The following PLEKHA5 variants were observed in gnomAD, a reference collection of about 807,000 sequenced individuals.
The protein encoded by PLEKHA5 is pleckstrin homology domain-containing family A member 5.
PLEKHA5 carries 55 observed loss-of-function variants against 181.9 expected under a neutral mutation model. The ratio of observed to expected loss-of-function variants is 0.30; its 90% CI spans 0.24 to 0.38. PLEKHA5 has a LOEUF of 0.38. PLEKHA5 is among the 10% of genes least tolerant of loss of function. The pLI is 1.00. For missense variants in PLEKHA5, 1,432 were observed against 1,549.5 expected (o/e 0.92, Z 1.27); for synonymous variants, 535 against 529.4 (o/e 1.01, Z -0.15).
In PLEKHA5 at chr12:19,208,726, T is replaced by A. The variant is rs868079799; in HGVS notation, c.228-45214T>A. Among the ~76,000 whole-genome samples the A allele has an allele frequency of 1.1e-4, 17 of 152,230 alleles. No homozygotes were observed. In the Middle Eastern group the frequency reaches 0.01, roughly 91 times the overall value. On this transcript the variant is annotated intron_variant, in intron 3 of 31. Coordinates refer to ENST00000429027, the MANE Select transcript of PLEKHA5 (RefSeq NM_001256470.2). Reference sequence around the variant, plus strand: ...AAGAGAGGATACAAATATTAACAGATCTAGGGGCAAGACTTCCTATTCTTA... The same window carrying A: ...AAGAGAGGATACAAATATTAACAGAACTAGGGGCAAGACTTCCTATTCTTA...
At position 19,291,826 on chromosome 12, in the gene PLEKHA5, T is replaced by A. The variant is rs1299937725; in HGVS notation, c.2037+129T>A. 7.4e-6 allele frequency: 4 copies of A among 542,910 alleles called. No homozygotes were observed. The African/African-American group carries it at 7.8e-5, about 11-fold the overall frequency. The allele number at this position is 542,910 out of a possible 1,614,324, so 33.6% of individuals were successfully genotyped here. A position where few individuals can be genotyped will look rare whatever the true frequency, so the allele number is the denominator to read the frequency against. On this transcript the variant is annotated intron_variant, in intron 15 of 31. Transcript: ENST00000429027. ...AACATGACTTTTACAAGTGATAGAA[T>A]ATGAAATCTCTGACCAGGTGGATTC... is the stretch of plus-strand genomic sequence containing the variant.
intron 15 of PLEKHA5, among the ~76,000 whole-genome samples, chr12:19,305,879 AAAAAAC>A (rs1287384203): frequency 2.0e-5 from 3 of 149,410 alleles, no homozygotes; most frequent in African/African-American, 7.4e-5. Flanking sequence ...AAAAAAAAAA[AAAAAAC>A]AACTATGAAG....
chr12:19,317,246 A>G (rs984725135), intron 16 of PLEKHA5, among the ~76,000 whole-genome samples: 1 of 152,128 alleles, frequency 6.6e-6, no homozygotes, highest in African/African-American at 2.4e-5. Context: ...ACACACCTAT[A>G]GTCCTAGCTA....
At chr12:19,198,658 T>A (rs78468792) in intron 3 of PLEKHA5, among the ~76,000 whole-genome samples, 10,928 of 152,202 alleles carry the variant, frequency 0.072, 413 homozygotes, top group South Asian at 0.11. Context: ...GAATGAATGA[T>A]TGTGTGAATG....
intron 15 of PLEKHA5, among the ~76,000 whole-genome samples, chr12:19,312,701 C>T (rs1034983803): frequency 1.2e-4 from 19 of 152,230 alleles, no homozygotes; most frequent in African/African-American, 4.6e-4. Flanking sequence ...CTTCAGACCA[C>T]TAAAACTTTC....
At chr12:19,322,851 G>C (rs549100428) in intron 20 of PLEKHA5, among the ~76,000 whole-genome samples, 184 bp downstream of exon 20, 6 of 151,734 alleles carry the variant, frequency 4.0e-5, no homozygotes, top group African/African-American at 1.5e-4. Context: ...TAATTAGTGG[G>C]CATTCTGTTA....
chr12:19,321,075 G>C (rs1009355998), intron 18 of PLEKHA5, among the ~76,000 whole-genome samples: 1 of 151,654 alleles, frequency 6.6e-6, no homozygotes, highest in Non-Finnish European at 1.5e-5. Context: ...TCTGAGGCCT[G>C]AGAATCTCTT....
intron 3 of PLEKHA5, among the ~76,000 whole-genome samples, chr12:19,216,211 A>T (rs1482772656): frequency 6.6e-6 from 1 of 152,194 alleles, no homozygotes; most frequent in Non-Finnish European, 1.5e-5. Context: ...GGTATAATAG[A>T]CAATTTGCTG....
intron 3 of PLEKHA5, among the ~76,000 whole-genome samples, chr12:19,223,881 A>G (rs1313588049): frequency 6.6e-6 from 1 of 152,180 alleles, no homozygotes; most frequent in East Asian, 1.9e-4. Context: ...CAGGATAGCC[A>G]GGGATCTTGT....
intron 15 of PLEKHA5, among the ~76,000 whole-genome samples, chr12:19,297,174 C>T (rs1428381517): frequency 6.6e-6 from 1 of 152,060 alleles, no homozygotes; most frequent in Non-Finnish European, 1.5e-5. Flanking sequence ...TGTGGGTAAA[C>T]CAAACATGTA....
At chr12:19,260,141 T>C (rs1164418761) in intron 6 of PLEKHA5, among the ~76,000 whole-genome samples, 1 of 152,164 alleles carries the variant, frequency 6.6e-6, no homozygotes, top group African/African-American at 2.4e-5. Flanking sequence ...GATGAGCAAA[T>C]CCCAAACTAT....
intron 21 of PLEKHA5, among the ~76,000 whole-genome samples, chr12:19,340,690 A>G (rs1203987734): frequency 8.3e-4 from 120 of 143,856 alleles, no homozygotes; most frequent in African/African-American, 2.9e-3. Context: ...TGCTGTGTCC[A>G]CTCAGGGTTG....
chr12:19,170,132 A>G (rs1396040292), intron 3 of PLEKHA5, among the ~76,000 whole-genome samples: 6 of 152,192 alleles, frequency 3.9e-5, no homozygotes, highest in African/African-American at 1.2e-4. Context: ...AAGGTATGAA[A>G]TGAGATCAGG....
At chr12:19,267,522 T>C (rs1486630140) in intron 8 of PLEKHA5, among the ~76,000 whole-genome samples, 1 of 151,620 alleles carries the variant, frequency 6.6e-6, no homozygotes, top group Non-Finnish European at 1.5e-5. Flanking sequence ...TAACCAGACA[T>C]TGTGGTGCTT....
At chr12:19,266,612 C>T (rs563208520) in intron 8 of PLEKHA5, among the ~76,000 whole-genome samples, 6 of 151,986 alleles carry the variant, frequency 3.9e-5, no homozygotes, top group African/African-American at 7.2e-5. Flanking sequence ...GGTAAAACCC[C>T]GACTCTACTA....
chr12:19,136,815 A>T (rs2035787604), intron 3 of PLEKHA5, among the ~76,000 whole-genome samples: 1 of 152,126 alleles, frequency 6.6e-6, no homozygotes, highest in African/African-American at 2.4e-5. Flanking sequence ...ACTTTTTCTT[A>T]CATAGGCAAA....
Position 19,322,604 on chromosome 12 carries a change from A to G in PLEKHA5, c.2385A>G (p.Leu795=), listed in dbSNP as rs1388032092. The G allele has an allele frequency of 6.2e-6, 10 of 1,613,850 alleles. No individual in the cohort carries two copies. Among genetic ancestry groups the G allele is most frequent in the Non-Finnish European group, 8.5e-6 (10 of 1,179,806 alleles). The part of the protein sequence containing the change: ...DNPAAIQTVV[L]QRDDLQNGLL... ...CAGCAGCCATTCAGACAGTGGTGTT[A>G]CAAAGGGATGATTTACAAAATGGAC... is the stretch of plus-strand genomic sequence containing the variant. The change falls in exon 20 of 32, where the codon TTA becomes TTG. Residue 795 remains leucine, a synonymous_variant. Transcript: ENST00000429027.
rs534910856 is a variant in PLEKHA5, at chr12:19,147,351, C to T, written c.227+14901C>T. Reference sequence around the variant, plus strand: ...AGACAGTGGTACTAAGGAGAGCTTTCCTTAAAGAGAAAGTTTAGGGCTGCA... The same window carrying T: ...AGACAGTGGTACTAAGGAGAGCTTTTCTTAAAGAGAAAGTTTAGGGCTGCA... On this transcript the variant is annotated intron_variant, in intron 3 of 31. Coordinates refer to ENST00000429027, the MANE Select transcript of PLEKHA5 (RefSeq NM_001256470.2). 6.6e-5 allele frequency: 10 copies of T among 152,242 alleles called. No homozygotes were observed. The South Asian group carries it at 1.0e-3, about 16-fold the overall frequency. The allele number at this position is 152,242 out of a possible 1,614,324, so 9.4% of individuals were successfully genotyped here. A position where few individuals can be genotyped will look rare whatever the true frequency, so the allele number is the denominator to read the frequency against.
intron 3 of PLEKHA5, among the ~76,000 whole-genome samples, chr12:19,215,107 G>A (rs2057708087): frequency 6.6e-6 from 1 of 152,048 alleles, no homozygotes; most frequent in Admixed American, 6.6e-5. Flanking sequence ...AACCTGAGAG[G>A]CAGAGGTTGC....
Sources: allele counts gnomAD v4.1 joint callset (sites outside exome capture counted in the v4.1 genomes callset), GRCh38; gene constraint gnomAD v4.1.1; transcripts MANE v1.5; gene names NCBI Gene and HGNC (gene_info 2026-07-23, HGNC 2026-07-21).